ZNF536: variants seen among roughly 807,000 people sequenced by gnomAD.
The protein encoded by ZNF536 is zinc finger protein 536.
In ZNF536, 13 loss-of-function variants were observed where a neutral mutation model predicts 84.5. That is an observed-to-expected ratio of 0.15 (90% CI 0.10 to 0.24). ZNF536 has a LOEUF of 0.24. Among genes scored for constraint, ZNF536 ranks in the 10% least tolerant of loss-of-function variants. The probability of loss-of-function intolerance (pLI) is 1.00; values close to 1 mark genes in which losing one functional copy is unlikely to be tolerated. For synonymous variants in ZNF536, 811 were observed against 742.5 expected (o/e 1.09, Z -1.50); for missense variants, 1,536 against 1,747.5 (o/e 0.88, Z 2.16).
chr19:30,354,366 T>C (rs981313160), intron 3 of ZNF536, among the ~76,000 whole-genome samples: 1 of 152,180 alleles, frequency 6.6e-6, no homozygotes, highest in Non-Finnish European at 1.5e-5. Flanking sequence ...TTTTATTTTA[T>C]TGATGTATTT....
intron 2 of ZNF536, among the ~76,000 whole-genome samples, chr19:30,313,958 G>A (rs13382014): frequency 0.014 from 2,138 of 152,318 alleles, 16 homozygotes; most frequent in Non-Finnish European, 0.021. Context: ...CAGATGTAAG[G>A]AAGTTCATCA....
At chr19:30,585,115 C>CA (rs953877500) in intron 1 of ZNF536, among the ~76,000 whole-genome samples, 143 of 134,988 alleles carry the variant, frequency 1.1e-3, no homozygotes, top group East Asian at 7.2e-3. Context: ...ACTTGCCACT[C>CA]AAAAAAAAAA....
intron 1 of ZNF536, among the ~76,000 whole-genome samples, chr19:30,278,467 A>G (rs879460032): frequency 5.3e-5 from 8 of 151,860 alleles, no homozygotes; most frequent in Admixed American, 3.3e-4. Flanking sequence ...TGTTTTATAT[A>G]TGAAAGGAGC....
intron 1 of ZNF536, among the ~76,000 whole-genome samples, chr19:30,571,281 G>T (rs1314074793): frequency 6.6e-6 from 1 of 152,154 alleles, no homozygotes; most frequent in Non-Finnish European, 1.5e-5. Context: ...CCATTCTACT[G>T]GGGGTCTTTG....
intron 1 of ZNF536, among the ~76,000 whole-genome samples, chr19:30,641,337 C>A (rs1568628366): frequency 6.6e-6 from 1 of 152,154 alleles, no homozygotes; most frequent in African/African-American, 2.4e-5. Flanking sequence ...AAGAATGCCA[C>A]AGTTTTAGTT....
chr19:30,679,522 GT>G (rs2050884703), intron 1 of ZNF536, among the ~76,000 whole-genome samples: 1 of 152,182 alleles, frequency 6.6e-6, no homozygotes, highest in South Asian at 2.1e-4. Context: ...CTGTGCAGCT[GT>G]CCCCTCCCCT....
chr19:30,336,376 A>G (rs1291490725), intron 2 of ZNF536, among the ~76,000 whole-genome samples: 1 of 152,206 alleles, frequency 6.6e-6, no homozygotes, highest in African/African-American at 2.4e-5. Context: ...AATGAACAGG[A>G]CACCTCCACG....
At chr19:30,329,287 G>T (rs1192965423) in intron 2 of ZNF536, among the ~76,000 whole-genome samples, 1 of 152,152 alleles carries the variant, frequency 6.6e-6, no homozygotes, top group African/African-American at 2.4e-5. Context: ...TAGGAATGCG[G>T]TCCTGCTTGC....
chr19:30,306,797 A>C (rs972430012), intron 2 of ZNF536, among the ~76,000 whole-genome samples: 15 of 152,350 alleles, frequency 9.8e-5, no homozygotes, highest in African/African-American at 3.6e-4. Context: ...TGGAACACTG[A>C]ATGAAATATG....
At chr19:30,643,349 G>A (rs1452188706) in intron 1 of ZNF536, among the ~76,000 whole-genome samples, 1 of 152,172 alleles carries the variant, frequency 6.6e-6, no homozygotes, top group East Asian at 1.9e-4. Context: ...ACCCACACTC[G>A]ACTTGGGAAG....
chr19:30,311,811 G>A (rs1215115929), intron 2 of ZNF536, among the ~76,000 whole-genome samples: 8 of 152,166 alleles, frequency 5.3e-5, no homozygotes, highest in South Asian at 2.1e-4. Flanking sequence ...GCTCACACCT[G>A]TATTCCCAGT....
At chr19:30,681,177 A>G (rs2147821662) in intron 1 of ZNF536, among the ~76,000 whole-genome samples, 1 of 152,262 alleles carries the variant, frequency 6.6e-6, no homozygotes, top group African/African-American at 2.4e-5. Context: ...ATGGATATGG[A>G]AAGTCTGTTT....
Position 30,445,615 on chromosome 19 carries a change from C to T in ZNF536, c.2053C>T (p.Arg685Cys), listed in dbSNP as rs1389441917. Residue 685 changes from arginine (R) to cysteine (C), a missense_variant, in exon 2 of 5, where the codon CGC becomes TGC. By Grantham distance (180) the Arg-to-Cys change is radical (BLOSUM62 -3). Coordinates refer to ENST00000355537, the MANE Select transcript of ZNF536 (RefSeq NM_014717.3). The surrounding 1 kb of genome is among the most constrained non-coding windows in gnomAD (Gnocchi z 4.5). Reference sequence around the variant, plus strand: ...TGACCAGGAGTCCCAGTCGGTGAGCCGCTCCACCACGCCGGGCTCCTCTAA... The same window carrying T: ...TGACCAGGAGTCCCAGTCGGTGAGCTGCTCCACCACGCCGGGCTCCTCTAA... ...GSDQESQSVS[R>C]STTPGSSNVT... The T allele has an allele frequency of 6.2e-7, 1 of 1,612,662 alleles. No individual in the cohort carries two copies. The highest frequency in any genetic ancestry group is 8.5e-7 in the Non-Finnish European group (1 of 1,179,646).
chr19:30,300,798 G>C (rs1050736371), intron 2 of ZNF536: 8 of 152,208 alleles, frequency 5.3e-5, no homozygotes, highest in African/African-American at 1.9e-4. Flanking sequence ...TGATCGCAAC[G>C]GGGGGAGCCT....
chr19:30,605,537 G>A (rs2047838889), intron 1 of ZNF536, among the ~76,000 whole-genome samples: 1 of 152,186 alleles, frequency 6.6e-6, no homozygotes, highest in Non-Finnish European at 1.5e-5. Flanking sequence ...TCATAGCAGA[G>A]TAGTATTCCA....
rs1391948996 is a variant in ZNF536 at position 30,645,645 on chromosome 19, AATACTTGC to A, written c.170-65109_170-65102del. Among the ~76,000 whole-genome samples the A allele has an allele frequency of 2.0e-5, 3 of 152,296 alleles. No individual in the cohort carries two copies. The East Asian group carries it at 5.8e-4, about 29-fold the overall frequency. On this transcript the variant is annotated intron_variant, in intron 1 of 1. Coordinates refer to the ZNF536 transcript ENST00000592773. The stretch of plus-strand genomic sequence containing the variant: ...AGGTAAATGAAGTTCAAATTATTCT[AATACTTGC>A]ATGTTAGGATCTGTGTCTATATCCA...
chr19:30,695,004 C>T (rs559581146), intron 1 of ZNF536, among the ~76,000 whole-genome samples: 30 of 152,276 alleles, frequency 2.0e-4, no homozygotes, highest in East Asian at 9.7e-4. Flanking sequence ...CCTGAGAAGC[C>T]GTTCAACACT....
chr19:30,519,927 A>G (rs904145902), intron 2 of ZNF536, among the ~76,000 whole-genome samples: 4 of 152,228 alleles, frequency 2.6e-5, no homozygotes, highest in African/African-American at 9.6e-5. Flanking sequence ...ACTCTGAGAA[A>G]TGTCCTGAAG....
At chr19:30,477,579 G>T (rs2053902840) in intron 2 of ZNF536, among the ~76,000 whole-genome samples, 2 of 152,268 alleles carry the variant, frequency 1.3e-5, no homozygotes, top group South Asian at 4.2e-4. Flanking sequence ...AGCAGTGGTT[G>T]GTTCCTTCTA....
Sources: gnomAD v4.1 joint callset for allele counts (sites outside exome capture counted in the v4.1 genomes callset) on GRCh38, gnomAD v4.1.1 for gene constraint, Gnocchi (gnomAD v3.1) non-coding constraint, MANE v1.5 for transcripts, NCBI Gene and HGNC (gene_info 2026-07-23, HGNC 2026-07-21) for gene names.